NEGR1: variants seen among roughly 807,000 people sequenced by gnomAD.
NEGR1 encodes the protein neuronal growth regulator 1.
In NEGR1, 10 loss-of-function variants were observed where a neutral mutation model predicts 40.9. That is an observed-to-expected ratio of 0.24 (90% confidence interval 0.15 to 0.42). NEGR1 has a LOEUF of 0.42. NEGR1 is among the 10% of genes least tolerant of loss of function. The pLI is 1.00. For missense variants in NEGR1, 352 were observed against 438.9 expected, an observed-to-expected ratio of 0.80 and a Z score of 1.77; for synonymous variants, 185 against 166.8, an observed-to-expected ratio of 1.11 and a Z score of -0.84.
In NEGR1 at chr1:71,988,517, T is replaced by G. The variant is rs571504903; in HGVS notation, c.177-53206A>C. On this transcript the variant is annotated intron_variant, in intron 1 of 6. Coordinates refer to ENST00000357731, the MANE Select transcript of NEGR1 (RefSeq NM_173808.3). Reference sequence around the variant, plus strand: ...TTGCGCCACTGCAGTCCGCAGTCCGTCCTGGGCGACAGAGCGAGACTCCGT... The same window carrying G: ...TTGCGCCACTGCAGTCCGCAGTCCGGCCTGGGCGACAGAGCGAGACTCCGT... Among the ~76,000 whole-genome samples, 125 of 117,098 alleles carry G rather than the reference T, an allele frequency of 1.1e-3. 1 individual carries two copies. Among genetic ancestry groups the G allele is most frequent in the South Asian group, 3.5e-3 (13 of 3,662 alleles). 76.8% of individuals were successfully genotyped at this position (117,098 alleles called of 152,430 possible). A position where few individuals can be genotyped will look rare whatever the true frequency, so the allele number is the denominator to read the frequency against.
intron 1 of NEGR1, among the ~76,000 whole-genome samples, chr1:72,013,963 TAAAAAAA>T (rs1161156816): frequency 1.1e-5 from 1 of 88,490 alleles, no homozygotes; most frequent in Non-Finnish European, 2.3e-5. Flanking sequence ...CTGTGAAAAA[TAAAAAAA>T]AAAAAAAAAA....
chr1:71,678,413 A>G (rs1240397062), intron 4 of NEGR1, among the ~76,000 whole-genome samples: 1 of 152,166 alleles, frequency 6.6e-6, no homozygotes, highest in Non-Finnish European at 1.5e-5. Context: ...TTATTCTATA[A>G]CAAAACAAGT....
At chr1:71,614,296 G>A (rs945042549) in intron 4 of NEGR1, among the ~76,000 whole-genome samples, 4 of 151,370 alleles carry the variant, frequency 2.6e-5, no homozygotes, top group Non-Finnish European at 4.4e-5. Flanking sequence ...CTTTTATAAT[G>A]TACATATACA....
chr1:72,254,864 T>C (rs1010305297), intron 1 of NEGR1, among the ~76,000 whole-genome samples: 3 of 147,036 alleles, frequency 2.0e-5, no homozygotes, highest in Non-Finnish European at 4.4e-5. Context: ...ATATTATTTA[T>C]AGCTGATTTT....
intron 1 of NEGR1, among the ~76,000 whole-genome samples, chr1:72,044,058 C>T (rs1646979394): frequency 2.0e-5 from 3 of 151,534 alleles, no homozygotes; most frequent in Admixed American, 6.6e-5. Context: ...GTTGTAAAGA[C>T]CCCCCCATAC....
intron 3 of NEGR1, among the ~76,000 whole-genome samples, chr1:71,717,002 A>G (rs548822999): frequency 6.6e-6 from 1 of 152,202 alleles, no homozygotes. Context: ...TTATGGAAGG[A>G]AAGTGCCTGC....
At chr1:71,933,413 A>G (rs1436177436) in intron 2 of NEGR1, among the ~76,000 whole-genome samples, 1 of 152,070 alleles carries the variant, frequency 6.6e-6, no homozygotes, top group African/African-American at 2.4e-5. Context: ...TAAACCTACA[A>G]GTTTAAAATG....
chr1:72,036,750 T>C (rs1041357768), intron 1 of NEGR1, among the ~76,000 whole-genome samples: 3 of 152,002 alleles, frequency 2.0e-5, no homozygotes, highest in Admixed American at 2.0e-4. Context: ...AAGAAGTTTT[T>C]ACTGATCTTT....
At chr1:72,004,725 A>G (rs1393814257) in intron 1 of NEGR1, among the ~76,000 whole-genome samples, 1 of 152,200 alleles carries the variant, frequency 6.6e-6, no homozygotes, top group Non-Finnish European at 1.5e-5. Context: ...AATAACTATT[A>G]TCTTCGTTTT....
At chr1:71,819,875 G>A (rs186808778) in intron 2 of NEGR1, among the ~76,000 whole-genome samples, 429 of 152,026 alleles carry the variant, frequency 2.8e-3, no homozygotes, top group Admixed American at 4.7e-3. Flanking sequence ...TGCTCCACAC[G>A]GAAGCCAGAA....
intron 1 of NEGR1, among the ~76,000 whole-genome samples, chr1:72,080,047 T>C (rs899528145): frequency 6.6e-6 from 1 of 152,108 alleles, no homozygotes; most frequent in African/African-American, 2.4e-5. Flanking sequence ...TGAAATACTT[T>C]ATTTAGCAGC....
At chr1:72,149,850 C>T (rs1208033416) in intron 1 of NEGR1, among the ~76,000 whole-genome samples, 1 of 124,954 alleles carries the variant, frequency 8.0e-6, no homozygotes, top group Non-Finnish European at 1.6e-5. Flanking sequence ...CATTGCACTC[C>T]AGCCTGGGCA....
At chr1:71,870,691 G>A (rs933813643) in intron 2 of NEGR1, among the ~76,000 whole-genome samples, 1 of 152,070 alleles carries the variant, frequency 6.6e-6, no homozygotes, top group African/African-American at 2.4e-5. Context: ...AAATTATGTT[G>A]GCCTAGGGCT....
chr1:71,427,585 TTAAGA>T (rs1646436559), intron 6 of NEGR1, among the ~76,000 whole-genome samples: 1 of 152,220 alleles, frequency 6.6e-6, no homozygotes, highest in South Asian at 2.1e-4. Flanking sequence ...TATGTTTTAG[TTAAGA>T]TAAATGTATA....
intron 1 of NEGR1, among the ~76,000 whole-genome samples, chr1:72,081,935 T>C (rs1363848200): frequency 6.6e-6 from 1 of 152,118 alleles, no homozygotes; most frequent in Non-Finnish European, 1.5e-5. Flanking sequence ...TCAAGTTATT[T>C]AGTCTGTGGT....
chr1:71,453,664 A>T (rs1646649546), intron 6 of NEGR1, among the ~76,000 whole-genome samples: 1 of 152,194 alleles, frequency 6.6e-6, no homozygotes, highest in South Asian at 2.1e-4. Context: ...TTTCAATAAG[A>T]TGTAGGGAAA....
rs1478049057 is a variant in NEGR1 at position 71,597,464 on chromosome 1, C to CTGTG, written c.789-4497_789-4496insCACA. On this transcript the variant is annotated intron_variant, in intron 5 of 6. Coordinates refer to ENST00000357731, the MANE Select transcript of NEGR1 (RefSeq NM_173808.3). Reference sequence around the variant, plus strand: ...TCTCTCTCTCTCTCTCTCTCTCTCTCTCTCTCTCTGTGTGTGTGTGTGTGT... The same window carrying CTGTG: ...TCTCTCTCTCTCTCTCTCTCTCTCTCTGTGTCTCTCTCTGTGTGTGTGTGTGTGT... Among the ~76,000 whole-genome samples the CTGTG allele has an allele frequency of 3.7e-3, 70 of 19,160 alleles. 1 individual carries two copies. Among genetic ancestry groups the CTGTG allele is most frequent in the Middle Eastern group, 0.05 (1 of 20 alleles). The allele number at this position is 19,160 out of a possible 152,430, so 12.6% of individuals were successfully genotyped here.
At chr1:71,560,749 G>A (rs191081948) in intron 6 of NEGR1, among the ~76,000 whole-genome samples, 27 of 151,402 alleles carry the variant, frequency 1.8e-4, no homozygotes, top group Admixed American at 1.8e-3. Flanking sequence ...GAGAAAGGAT[G>A]TATGATATCC....
At chr1:71,838,758 A>G (rs1051125779) in intron 2 of NEGR1, among the ~76,000 whole-genome samples, 4 of 152,168 alleles carry the variant, frequency 2.6e-5, no homozygotes, top group African/African-American at 9.6e-5. Context: ...AAGACATCAC[A>G]TAATAGTACA....
Sources: gnomAD v4.1 joint callset for allele counts (sites outside exome capture counted in the v4.1 genomes callset) on GRCh38, gnomAD v4.1.1 for gene constraint, MANE v1.5 for transcripts, NCBI Gene and HGNC (gene_info 2026-07-23, HGNC 2026-07-21) for gene names.